The following PHLDA1 variants were observed in gnomAD, a reference collection of about 807,000 sequenced individuals.
PHLDA1 encodes pleckstrin homology like domain family A member 1.
A neutral mutation model predicts 33.8 loss-of-function variants in PHLDA1; 28 were observed. That is an observed-to-expected ratio of 0.83 (90% CI 0.61 to 1.14). The LOEUF (loss-of-function observed/expected upper bound fraction) is 1.14. Ranked by LOEUF, PHLDA1 falls within the 50% of genes most tolerant of loss-of-function variation. The probability of loss-of-function intolerance (pLI) is 0.00; values close to 1 mark genes in which losing one functional copy is unlikely to be tolerated. For synonymous variants in PHLDA1, 271 were observed against 243.6 expected, an observed-to-expected ratio of 1.11 and a Z score of -1.05; for missense variants, 595 against 548.6, an observed-to-expected ratio of 1.08 and a Z score of -0.84.
chr12:76,028,431 T>C (rs971647717), exon 2 of PHLDA1: 1 of 152,236 alleles, frequency 6.6e-6, no homozygotes, highest in Non-Finnish European at 1.5e-5. Flanking sequence ...GGATATGAGT[T>C]ATGATCTCAA....
chr12:76,026,656 T>A (rs1443260403), exon 2 of PHLDA1: 1 of 152,242 alleles, frequency 6.6e-6, no homozygotes, highest in Non-Finnish European at 1.5e-5. Context: ...AGTGAAATTA[T>A]AAAGATGGCT....
At chr12:76,027,531 G>T (rs1870799234) in exon 2 of PHLDA1, 1 of 151,962 alleles carries the variant, frequency 6.6e-6, no homozygotes, top group South Asian at 2.1e-4. Flanking sequence ...GGAGGCCAAG[G>T]CAGGTGGATC....
Position 76,030,491 on chromosome 12 carries a change from G to T in PHLDA1, c.*26+19C>A, listed in dbSNP as rs1565701852. On this transcript the variant is annotated intron_variant, in intron 1 of 1. Transcript: ENST00000266671. ...CCCCCGAGACCCACTCCTCGGGAGC[G>T]CGAGTGCCGGGACCTTACCTTGTCT... 3.8e-6 allele frequency: 6 copies of T among 1,591,868 alleles called. No individual in the cohort carries two copies. Among genetic ancestry groups the T allele is most frequent in the East Asian group, 2.2e-5 (1 of 44,612 alleles).
chr12:76,030,792 A>AGCTGCGGCTGCGGCTGCG, exon 1 of PHLDA1: 1 of 1,486,294 alleles, frequency 6.7e-7, no homozygotes, highest in Non-Finnish European at 9.2e-7. Flanking sequence ...TTGGGGCTGG[A>AGCTGCGGCTGCGGCTGCG]GCTGCGGCTG....
chr12:76,031,168 G>GCTC lies in PHLDA1; in HGVS notation c.573_574insGAG (p.Gln191_Gln192insGlu), dbSNP rs758202375. On this transcript the variant is annotated inframe_insertion, in exon 1 of 2. Coordinates refer to ENST00000266671, the Ensembl canonical transcript of PHLDA1. This position sits in a 1 kb window ranked among gnomAD's most constrained non-coding sequence, Gnocchi z 5.4. ...TGCTGCTGCTGCTGTTGCTGCTGCT[G>GCTC]CTGCTGGTGTTGCAGCTGCTTGGGC... 23 of 1,612,076 alleles carry GCTC rather than the reference G, an allele frequency of 1.4e-5. No individual in the cohort carries two copies. In the African/African-American group the frequency reaches 2.9e-4, roughly 21 times the overall value.
chr12:76,025,754 C>A (rs1008171029), exon 2 of PHLDA1: 2 of 152,250 alleles, frequency 1.3e-5, no homozygotes, highest in African/African-American at 2.4e-5. Context: ...AAACCTGCTT[C>A]CCCACTGCTC....
At chr12:76,026,662 T>C (rs1229869474) in exon 2 of PHLDA1, 2 of 152,196 alleles carry the variant, frequency 1.3e-5, no homozygotes, top group Non-Finnish European at 2.9e-5. Flanking sequence ...ATTATAAAGA[T>C]GGCTTGATTT....
chr12:76,030,886 G>C, exon 1 of PHLDA1: 1 of 1,612,584 alleles, frequency 6.2e-7, no homozygotes, highest in Non-Finnish European at 8.5e-7. Context: ...ATGGCCTGAC[G>C]ATTCTTGTAC....
In PHLDA1 at chr12:76,031,622, T is replaced by C. The variant is rs751319656; in HGVS notation, c.120A>G (p.Gln40=). 7 of 1,569,312 alleles carry C rather than the reference T, an allele frequency of 4.5e-6. No homozygotes were observed. The highest frequency in any genetic ancestry group is 4.2e-5 in the African/African-American group (3 of 71,102). Residue 40 remains glutamine, a synonymous_variant, in exon 1 of 2, where the codon CAA becomes CAG. Coordinates refer to ENST00000266671, the Ensembl canonical transcript of PHLDA1. The surrounding 1 kb of genome is among the most constrained non-coding windows in gnomAD (Gnocchi z 5.4). Reference sequence around the variant, plus strand: ...CTGGCCGGGCCCCCTCGCGGCGCTTTTGAATGGGCCATCTTCCCCACCCCC... The same window carrying C: ...CTGGCCGGGCCCCCTCGCGGCGCTTCTGAATGGGCCATCTTCCCCACCCCC...
At position 76,031,746 on chromosome 12, in the gene PHLDA1, T is replaced by C. The variant is rs1178027335; in HGVS notation, c.-5A>G. ...GGCAGCCGGCGCACGCCTCATTAAC[T>C]TGGGGCCTTTCCAAAGCCCGCTGCG... On this transcript the variant is annotated 5_prime_UTR_variant, in exon 1 of 2. Coordinates refer to ENST00000266671, the Ensembl canonical transcript of PHLDA1. This position sits in a 1 kb window ranked among gnomAD's most constrained non-coding sequence, Gnocchi z 5.4. The C allele has an allele frequency of 1.5e-6, 2 of 1,362,656 alleles. No homozygotes were observed. The highest frequency in any genetic ancestry group is 1.9e-6 in the Non-Finnish European group (2 of 1,054,088). 84.4% of individuals were successfully genotyped at this position (1,362,656 alleles called of 1,614,324 possible).
chr12:76,030,049 G>C (rs1289110912), exon 2 of PHLDA1: 1 of 163,966 alleles, frequency 6.1e-6, no homozygotes, highest in Non-Finnish European at 1.3e-5. Flanking sequence ...TCCAAGTGAA[G>C]ACAATAGAAA....
exon 2 of PHLDA1, chr12:76,026,244 T>C (rs1195766019): frequency 6.6e-6 from 1 of 152,226 alleles, no homozygotes; most frequent in Non-Finnish European, 1.5e-5. Flanking sequence ...AAAACAAATG[T>C]TCACAGTCCT....
chr12:76,030,197 G>C (rs540579200), intron 1 of PHLDA1, 105 bp from the exon 2 acceptor site: 6 of 392,402 alleles, frequency 1.5e-5, no homozygotes, highest in African/African-American at 1.2e-4. Flanking sequence ...AGACACCGTG[G>C]TGTTTCCCTC....
At chr12:76,030,546 T>A (rs767949247) in exon 1 of PHLDA1, 1 of 1,612,064 alleles carries the variant, frequency 6.2e-7, no homozygotes. Context: ...TCAGGCAGAG[T>A]TGGAGGTGCT....
rs766207880 is a variant in PHLDA1 at position 76,031,183 on chromosome 12, G to T, written c.559C>A (p.Leu187Met). The change falls in exon 1 of 2, where the codon CTG becomes ATG. Residue 187 changes from leucine to methionine, a missense_variant. Around this residue, in one of 3 missense-constraint regions of PHLDA1, gnomAD observed 328 missense variants for 295.7 expected, o/e 1.11. Coordinates refer to ENST00000266671, the Ensembl canonical transcript of PHLDA1. This position sits in a 1 kb window ranked among gnomAD's most constrained non-coding sequence, Gnocchi z 5.4. ...TGCTGCTGCTGCTGCTGGTGTTGCA[G>T]CTGCTTGGGCGGGATAAGCAGCAGC... The T allele has an allele frequency of 1.2e-6, 2 of 1,612,878 alleles. No homozygotes were observed. Among genetic ancestry groups the T allele is most frequent in the African/African-American group, 1.3e-5 (1 of 75,038 alleles).
exon 2 of PHLDA1, chr12:76,028,871 T>C (rs914455362): frequency 3.9e-5 from 6 of 152,766 alleles, no homozygotes; most frequent in Middle Eastern, 3.4e-3. Flanking sequence ...ACTGGGGTTG[T>C]TTTCTTACTG....
In PHLDA1 at chr12:76,031,149, TGCTGCTGTTGC is replaced by T. The variant is rs760955605; in HGVS notation, c.582_592del (p.Gln195AlafsTer218). 3.4e-6 allele frequency: 5 copies of T among 1,461,370 alleles called. No individual in the cohort carries two copies. Among genetic ancestry groups the T allele is most frequent in the Admixed American group, 4.5e-5 (2 of 44,864 alleles). The allele number at this position is 1,461,370 out of a possible 1,614,324, so 90.5% of individuals were successfully genotyped here. A position where few individuals can be genotyped will look rare whatever the true frequency, so the allele number is the denominator to read the frequency against. On this transcript the variant is annotated frameshift_variant, in exon 1 of 2. Transcript: ENST00000266671. LOFTEE classifies it high-confidence loss of function. This position sits in a 1 kb window ranked among gnomAD's most constrained non-coding sequence, Gnocchi z 5.4. ...CCCGGGCTGTTGTTGCTGCTGCTGC[TGCTGCTGTTGC>T]TGCTGCTGCTGCTGGTGTTGCAGCT...
At position 76,031,172 on chromosome 12, in the gene PHLDA1, CTGG is replaced by C. The variant is rs779911452; in HGVS notation, c.567_569del (p.His189del). On this transcript the variant is annotated inframe_deletion, in exon 1 of 2. Coordinates refer to ENST00000266671, the Ensembl canonical transcript of PHLDA1. The surrounding 1 kb of genome is among the most constrained non-coding windows in gnomAD (Gnocchi z 5.4). Reference sequence around the variant, plus strand: ...GCTGCTGCTGTTGCTGCTGCTGCTGCTGGTGTTGCAGCTGCTTGGGCGGGATAA... The same window carrying C: ...GCTGCTGCTGTTGCTGCTGCTGCTGCTGTTGCAGCTGCTTGGGCGGGATAA... 27 of 1,179,404 alleles carry C rather than the reference CTGG, an allele frequency of 2.3e-5. No homozygotes were observed. The highest frequency in any genetic ancestry group is 1.5e-4 in the East Asian group (6 of 41,320). The allele number at this position is 1,179,404 out of a possible 1,614,324, so 73.1% of individuals were successfully genotyped here.
In PHLDA1 at chr12:76,030,877, T is replaced by C. The variant is rs776396925; in HGVS notation, c.865A>G (p.Ile289Val). 16 of 1,611,546 alleles carry C rather than the reference T, an allele frequency of 9.9e-6. No homozygotes were observed. In the East Asian group the frequency reaches 2.9e-4, roughly 29 times the overall value. The change falls in exon 1 of 2, where the codon ATC (isoleucine) becomes GTC (valine). Residue 289 changes from isoleucine to valine, a missense_variant. Physicochemically the swap from Ile to Val is conservative, Grantham distance 29. Coordinates refer to ENST00000266671, the Ensembl canonical transcript of PHLDA1. ...TGCCGCGTGGATTTGACCGCCAGGA[T>C]GGCCTGACGATTCTTGTACTGCACC...
Sources: gnomAD v4.1 joint callset for allele counts on GRCh38, gnomAD v4.1.1 for gene constraint, gnomAD v4.1.1 regional missense constraint, Gnocchi (gnomAD v3.1) non-coding constraint, MANE v1.5 for transcripts, NCBI Gene and HGNC (gene_info 2026-07-23, HGNC 2026-07-21) for gene names.